The following TRIP11 variants were observed in gnomAD, a reference collection of about 807,000 sequenced individuals.
TRIP11 encodes thyroid hormone receptor interactor 11, also known as thyroid receptor-interacting protein 11.
TRIP11 carries 148 observed loss-of-function variants against 223.1 expected under a neutral mutation model. That is an observed-to-expected ratio of 0.66 (90% CI 0.58 to 0.76). The LOEUF is 0.76. TRIP11 is among the 30% of genes least tolerant of loss of function. The probability of loss-of-function intolerance (pLI) is 0.00; values close to 1 mark genes in which losing one functional copy is unlikely to be tolerated. For missense variants in TRIP11, 2,043 were observed against 2,222.0 expected (o/e 0.92, Z 1.62); for synonymous variants, 762 against 772.6 (o/e 0.99, Z 0.23).
chr14:91,988,456 T>C, intron 15 of TRIP11, 73 bp from the exon 16 acceptor site: 1 of 1,316,958 alleles, frequency 7.6e-7, no homozygotes, highest in Non-Finnish European at 1.1e-6. Context: ...AGAGACATCT[T>C]AGAGTCAACC....
At chr14:91,990,486 A>C (rs2056657881) in intron 15 of TRIP11, among the ~76,000 whole-genome samples, 2 of 152,182 alleles carry the variant, frequency 1.3e-5, no homozygotes, top group African/African-American at 2.4e-5. Context: ...AAATTTTAAA[A>C]AATAAAACTA....
At chr14:92,026,776 G>T in intron 2 of TRIP11, 1 of 1,211,538 alleles carries the variant, frequency 8.3e-7, no homozygotes, top group Admixed American at 1.8e-5. Context: ...TGAGGAAGAA[G>T]GATGGAGATG....
intron 3 of TRIP11, among the ~76,000 whole-genome samples, chr14:92,023,477 C>T (rs566009950): frequency 6.6e-6 from 1 of 152,118 alleles, no homozygotes; most frequent in Non-Finnish European, 1.5e-5. Flanking sequence ...TAAAACAAAG[C>T]TTGTGTTCAG....
Position 91,976,152 on chromosome 14 carries a change from C to A in TRIP11, c.5298G>T (p.Lys1766Asn), listed in dbSNP as rs145868557. ...LRQEMLDDVQ[K>N]KLMSLANSSE... ...AGCTGTTTGCTAAGCTCATCAATTT[C>A]TTTTGTACATCATCCAGCATTTCTT... Residue 1766 changes from lysine (K) to asparagine (N), a missense_variant, in exon 17 of 21, where the codon AAG (lysine) becomes AAT (asparagine). By Grantham distance (94) the Lys-to-Asn change is moderately conservative. Transcript: ENST00000267622. The A allele has an allele frequency of 1.6e-3, 2,585 of 1,612,484 alleles. 4 individuals are homozygous for A. Among genetic ancestry groups the A allele is most frequent in the Non-Finnish European group, 1.7e-3 (2,051 of 1,179,776 alleles).
chr14:92,036,701 T>C (rs1294309497), intron 1 of TRIP11, among the ~76,000 whole-genome samples: 3 of 152,234 alleles, frequency 2.0e-5, no homozygotes, highest in Non-Finnish European at 4.4e-5. Context: ...TAATAAATAC[T>C]TGTTCAATGA....
intron 4 of TRIP11, among the ~76,000 whole-genome samples, chr14:92,020,772 G>A (rs954473496): frequency 5.9e-5 from 9 of 151,968 alleles, no homozygotes; most frequent in Non-Finnish European, 1.0e-4. Flanking sequence ...AAATCACTTA[G>A]AAAGTCATTG....
rs1400419650 is a variant in TRIP11, at chr14:92,005,938, C to T, written c.2038G>A (p.Glu680Lys). ...KVAFDVKMENEKLVLACEDVR... is the reference protein window; with the variant it reads ...KVAFDVKMENKKLVLACEDVR... The stretch of plus-strand genomic sequence containing the variant: ...TCTTCACATGCTAAAACTAACTTTT[C>T]ATTTTCCATTTTGACATCAAAAGCA... The change falls in exon 11 of 21, where the codon GAA (glutamate) becomes AAA (lysine). Residue 680 changes from glutamate (E) to lysine (K), a missense_variant. Glu to Lys is a moderately conservative substitution (Grantham distance 56). Coordinates refer to ENST00000267622, the MANE Select transcript of TRIP11 (RefSeq NM_004239.4). The T allele has an allele frequency of 1.3e-5, 21 of 1,613,344 alleles. No individual in the cohort carries two copies. The highest frequency in any genetic ancestry group is 1.8e-5 in the Non-Finnish European group (21 of 1,179,930).
intron 8 of TRIP11, among the ~76,000 whole-genome samples, chr14:92,011,447 C>T (rs1243150860): frequency 3.9e-5 from 5 of 127,326 alleles, no homozygotes; most frequent in East Asian, 4.7e-4. Context: ...GCCGAGATCG[C>T]GACTCCAGCC....
intron 2 of TRIP11, chr14:92,026,944 C>G (rs2057196471): frequency 1.1e-5 from 13 of 1,133,410 alleles, no homozygotes; most frequent in Non-Finnish European, 1.7e-5. Flanking sequence ...TATTCACCCT[C>G]CACTTCCCCT....
chr14:91,999,205 CAGTT>C, intron 13 of TRIP11, 31 bp downstream of exon 13: 1 of 1,599,924 alleles, frequency 6.3e-7, no homozygotes, highest in African/African-American at 1.3e-5. Context: ...AAGAAGTGTT[CAGTT>C]AAAGTTAATG....
chr14:92,015,185 T>G (rs1339583115), intron 6 of TRIP11, among the ~76,000 whole-genome samples: 2 of 152,116 alleles, frequency 1.3e-5, no homozygotes, highest in Non-Finnish European at 2.9e-5. Context: ...GTTATAGCCA[T>G]AAGCCACCAC....
chr14:92,021,001 C>T (rs1181510937), intron 4 of TRIP11, among the ~76,000 whole-genome samples: 3 of 146,940 alleles, frequency 2.0e-5, no homozygotes, highest in African/African-American at 7.6e-5. Context: ...ACCCGGGAGG[C>T]GGAGGTTGCA....
In TRIP11 at chr14:92,000,079, T is replaced by G; in HGVS notation, c.4587A>C (p.Leu1529Phe). The G allele has an allele frequency of 6.2e-7, 1 of 1,613,996 alleles. No homozygotes were observed. Among genetic ancestry groups the G allele is most frequent in the South Asian group, 1.1e-5 (1 of 91,076 alleles). ...QGKTGELNQLLNAVKSMQEKT... is the reference protein window; with the variant it reads ...QGKTGELNQLFNAVKSMQEKT... Reference sequence around the variant, plus strand: ...TCTCCTGCATTGATTTAACTGCATTTAAAAGCTGATTTAACTCTCCAGTCT... The same window carrying G: ...TCTCCTGCATTGATTTAACTGCATTGAAAAGCTGATTTAACTCTCCAGTCT... Residue 1529 changes from leucine to phenylalanine, a missense_variant, in exon 12 of 21, where the codon TTA becomes TTC. Coordinates refer to ENST00000267622, the MANE Select transcript of TRIP11 (RefSeq NM_004239.4).
chr14:92,003,323 G>A, intron 11 of TRIP11, 96 bp downstream of exon 11: 1 of 1,489,114 alleles, frequency 6.7e-7, no homozygotes, highest in Non-Finnish European at 9.2e-7. Flanking sequence ...ATGAACAAAT[G>A]CACAGTCCCC....
chr14:91,980,654 T>C (rs549546140), intron 16 of TRIP11, among the ~76,000 whole-genome samples: 80 of 152,322 alleles, frequency 5.3e-4, no homozygotes, highest in African/African-American at 1.9e-3. Context: ...TATATTACTC[T>C]GTTTAATGTT....
chr14:91,993,638 C>T (rs1227372504), intron 15 of TRIP11, among the ~76,000 whole-genome samples, 171 bp downstream of exon 15: 8 of 151,990 alleles, frequency 5.3e-5, no homozygotes, highest in African/African-American at 1.9e-4. Context: ...ACTATGACAC[C>T]TTAGGGAAAT....
chr14:91,972,241 G>A (rs1248223717), intron 20 of TRIP11, among the ~76,000 whole-genome samples: 2 of 152,150 alleles, frequency 1.3e-5, no homozygotes, highest in East Asian at 1.9e-4. Flanking sequence ...GTTAAACTGC[G>A]CTTATATATA....
chr14:91,974,663 T>C lies in TRIP11; in HGVS notation c.5538A>G (p.Thr1846=), dbSNP rs750996590. 1.6e-5 allele frequency: 25 copies of C among 1,612,478 alleles called. No homozygotes were observed. The South Asian group carries it at 2.6e-4, about 17-fold the overall frequency. The change falls in exon 19 of 21, where the codon ACA becomes ACG. Residue 1846 remains threonine (T), a synonymous_variant. Coordinates refer to ENST00000267622, the MANE Select transcript of TRIP11 (RefSeq NM_004239.4). The stretch of plus-strand genomic sequence containing the variant: ...CAGATTGCTGATTTGGTCTCAAAGG[T>C]GTGTTGGGAACACTTTTTGATCCTC... ...LGGGSKSVPN[T]PLRPNQQSVV... is the part of the protein sequence containing the mutation.
chr14:91,975,112 G>T (rs1319384425), intron 18 of TRIP11, 60 bp downstream of exon 18: 4 of 1,430,466 alleles, frequency 2.8e-6, no homozygotes, highest in Non-Finnish European at 3.9e-6. Context: ...GGAAGTAATT[G>T]TCTACAAAGC....
Sources: allele counts gnomAD v4.1 joint callset (sites outside exome capture counted in the v4.1 genomes callset), GRCh38; gene constraint gnomAD v4.1.1; transcripts MANE v1.5; gene names NCBI Gene and HGNC (gene_info 2026-07-23, HGNC 2026-07-21).